The following C2CD5 variants were observed in gnomAD, a reference collection of about 807,000 sequenced individuals.
The protein encoded by C2CD5 is C2 calcium dependent domain containing 5.
In C2CD5, 109 loss-of-function variants were observed where a neutral mutation model predicts 130.3. The ratio of observed to expected loss-of-function variants is 0.84; its 90% CI spans 0.72 to 0.98. The LOEUF (loss-of-function observed/expected upper bound fraction) is 0.98, where lower values mean the gene tolerates loss of function less well. Ranked by LOEUF, C2CD5 falls within the 50% of genes least tolerant of loss-of-function variation. C2CD5 has a pLI of 0.00. For missense variants in C2CD5, 996 were observed against 1,261.8 expected (o/e 0.79, Z 3.19); for synonymous variants, 454 against 429.2 (o/e 1.06, Z -0.71).
chr12:22,524,384 T>C (rs1200707500), intron 6 of C2CD5, 88 bp downstream of exon 6: 2 of 1,062,360 alleles, frequency 1.9e-6, no homozygotes. Context: ...TAGCCTTCAT[T>C]GTAAAGTTGA....
chr12:22,508,286 G>C (rs1243731458), intron 9 of C2CD5, among the ~76,000 whole-genome samples: 11 of 152,144 alleles, frequency 7.2e-5, no homozygotes, highest in Admixed American at 7.2e-4. Flanking sequence ...TGTAAGAAAA[G>C]AGTAAAAAAC....
At chr12:22,490,664 G>A (rs1258556968) in intron 11 of C2CD5, among the ~76,000 whole-genome samples, 1 of 151,890 alleles carries the variant, frequency 6.6e-6, no homozygotes, top group East Asian at 1.9e-4. Flanking sequence ...GATTTATATA[G>A]CTTAATCTAA....
chr12:22,487,930 T>C (rs911176624), intron 12 of C2CD5, among the ~76,000 whole-genome samples: 19 of 151,860 alleles, frequency 1.3e-4, no homozygotes, highest in African/African-American at 4.6e-4. Context: ...GAAACCATCA[T>C]TCTCAGCAAA....
intron 1 of C2CD5, 44 bp from the exon 2 acceptor site, chr12:22,544,223 C>G: frequency 6.7e-7 from 1 of 1,498,340 alleles, no homozygotes; most frequent in South Asian, 1.1e-5. Flanking sequence ...GCGGGGCCGG[C>G]GGGAGAGGGG....
chr12:22,498,499 A>G (rs956164400), intron 10 of C2CD5, among the ~76,000 whole-genome samples: 1 of 152,194 alleles, frequency 6.6e-6, no homozygotes, highest in African/African-American at 2.4e-5. Flanking sequence ...AATATTTTGT[A>G]AAGTAATTAT....
rs201952432 is a variant in C2CD5 at position 22,513,372 on chromosome 12, T to C, written c.960A>G (p.Gly320=). The change falls in exon 9 of 27, where the codon GGA becomes GGG. Residue 320 remains glycine (G), a synonymous_variant. Coordinates refer to ENST00000446597, the MANE Select transcript of C2CD5 (RefSeq NM_001286176.2). ...DLSLTPKTGM[G]SGSAGKEGGP... ...CCCCTTCTTTTCCAGCACTACCACT[T>C]CCCATTCCTACAGAACATCAGTACA... 1.9e-6 allele frequency: 3 copies of C among 1,607,340 alleles called. No homozygotes were observed. Among genetic ancestry groups the C allele is most frequent in the East Asian group, 2.2e-5 (1 of 44,752 alleles).
chr12:22,463,633 G>A (rs185692096), intron 22 of C2CD5: 180 of 152,244 alleles, frequency 1.2e-3, no homozygotes, highest in African/African-American at 4.0e-3. Flanking sequence ...GGTCTCAAGT[G>A]TTTTGTCACA....
rs768626962 is a variant in C2CD5, at chr12:22,469,797, T to C, written c.2447-2A>G. On this transcript the variant is annotated splice_acceptor_variant, in intron 21 of 26. Transcript: ENST00000446597. LOFTEE classifies it high-confidence loss of function. ...AAAGTTCTTCATTATCTGTTGAGGC[T>C]AGAAAGGCAAGAAAATATCAGTTAT... 4.9e-5 allele frequency: 77 copies of C among 1,566,672 alleles called. No homozygotes were observed. The highest frequency in any genetic ancestry group is 2.3e-4 in the South Asian group (20 of 85,596).
intron 24 of C2CD5, among the ~76,000 whole-genome samples, 167 bp downstream of exon 24, chr12:22,458,317 C>A (rs1940388783): frequency 6.6e-6 from 1 of 152,192 alleles, no homozygotes; most frequent in East Asian, 1.9e-4. Flanking sequence ...AATCTAAAGG[C>A]CTTTCAAAAG....
At chr12:22,454,092 T>G (rs371497481) in intron 25 of C2CD5, 50 bp from the exon 26 acceptor site, 8 of 1,402,896 alleles carry the variant, frequency 5.7e-6, no homozygotes, top group Non-Finnish European at 8.0e-6. Flanking sequence ...TGTGTATGGA[T>G]ATAGGAATGC....
intron 10 of C2CD5, among the ~76,000 whole-genome samples, chr12:22,506,406 T>C (rs1365250140): frequency 1.3e-5 from 2 of 152,182 alleles, no homozygotes; most frequent in Non-Finnish European, 2.9e-5. Flanking sequence ...CTTAAACTAA[T>C]GGCCATAATG....
intron 2 of C2CD5, among the ~76,000 whole-genome samples, chr12:22,538,200 T>C (rs1487297313): frequency 6.6e-6 from 1 of 152,234 alleles, no homozygotes; most frequent in East Asian, 1.9e-4. Flanking sequence ...TGTTTAGTCA[T>C]CTTTTTTTGC....
intron 4 of C2CD5, among the ~76,000 whole-genome samples, chr12:22,526,396 A>T (rs1950720688): frequency 6.6e-6 from 1 of 152,220 alleles, no homozygotes; most frequent in Admixed American, 6.5e-5. Flanking sequence ...CATTTTACAA[A>T]GGAAGAAATT....
chr12:22,513,296 T>C lies in C2CD5; in HGVS notation c.1036A>G (p.Arg346Gly). The C allele has an allele frequency of 1.2e-6, 2 of 1,601,292 alleles. No homozygotes were observed. The highest frequency in any genetic ancestry group is 1.7e-6 in the Non-Finnish European group (2 of 1,168,630). The change falls in exon 9 of 27, where the codon AGG becomes GGG. Residue 346 changes from arginine (R) to glycine (G), a missense_variant and splice_region_variant. Physicochemically the swap from Arg to Gly is moderately radical, Grantham distance 125 (BLOSUM62 -2). This residue lies in a region of C2CD5 where 156 missense variants were observed against 165.9 expected (regional missense o/e 0.94). Transcript: ENST00000446597. ...AAAGAATATCAAGTGAATCTTACCC[T>C]CTGTTCCAACGCTGATTGAGTCTGT... ...RQQTQSALEQ[R>G]EFPFFTLTAF...
chr12:22,542,403 T>C (rs965839415), intron 2 of C2CD5, among the ~76,000 whole-genome samples: 2 of 152,204 alleles, frequency 1.3e-5, no homozygotes, highest in African/African-American at 4.8e-5. Flanking sequence ...TTACAGAAAA[T>C]GAGGTTTTAT....
chr12:22,536,193 G>C (rs965089267), intron 2 of C2CD5, among the ~76,000 whole-genome samples: 1 of 151,384 alleles, frequency 6.6e-6, no homozygotes, highest in Non-Finnish European at 1.5e-5. Context: ...CTGTATATGC[G>C]CACATTATTT....
intron 9 of C2CD5, among the ~76,000 whole-genome samples, chr12:22,508,186 G>T (rs1948793720): frequency 6.6e-6 from 1 of 152,054 alleles, no homozygotes; most frequent in African/African-American, 2.4e-5. Flanking sequence ...TGAAGGTTGA[G>T]TATAAAAAAG....
intron 17 of C2CD5, 92 bp downstream of exon 17, chr12:22,472,649 CCTT>C (rs1481283388): frequency 1.2e-6 from 1 of 809,488 alleles, no homozygotes; most frequent in Non-Finnish European, 2.2e-6. Context: ...TGTGATAAGT[CCTT>C]CTTTTAAAGT....
intron 10 of C2CD5, among the ~76,000 whole-genome samples, chr12:22,499,289 G>T (rs1947439501): frequency 6.6e-6 from 1 of 152,090 alleles, no homozygotes; most frequent in Non-Finnish European, 1.5e-5. Flanking sequence ...ACTAGGTCCT[G>T]CTGTTATTAT....
Sources: gnomAD v4.1 joint callset for allele counts (sites outside exome capture counted in the v4.1 genomes callset) on GRCh38, gnomAD v4.1.1 for gene constraint, gnomAD v4.1.1 regional missense constraint, MANE v1.5 for transcripts, NCBI Gene and HGNC (gene_info 2026-07-23, HGNC 2026-07-21) for gene names.